The following CTIF variants were observed in gnomAD, a reference collection of about 807,000 sequenced individuals.
CTIF encodes the protein cap binding complex dependent translation initiation factor, also known as CBP80/20-dependent translation initiation factor.
In CTIF, 21 loss-of-function variants were observed where a neutral mutation model predicts 66.0. The ratio of observed to expected loss-of-function variants is 0.32; its 90% CI spans 0.23 to 0.46. The LOEUF (loss-of-function observed/expected upper bound fraction) is 0.46, where lower values mean the gene tolerates loss of function less well. Among genes scored for constraint, CTIF ranks in the 20% least tolerant of loss-of-function variants. The pLI is 1.00. For synonymous variants in CTIF, 345 were observed against 326.4 expected, an observed-to-expected ratio of 1.06 and a Z score of -0.62; for missense variants, 739 against 812.7, an observed-to-expected ratio of 0.91 and a Z score of 1.10.
intron 9 of CTIF, among the ~76,000 whole-genome samples, chr18:48,783,681 C>T (rs571075815): frequency 6.6e-6 from 1 of 152,290 alleles, no homozygotes; most frequent in East Asian, 1.9e-4. Context: ...TCCACCCCAC[C>T]CCACCTCCTC....
intron 9 of CTIF, among the ~76,000 whole-genome samples, chr18:48,789,445 A>G (rs768313515): frequency 1.1e-4 from 17 of 152,212 alleles, no homozygotes; most frequent in African/African-American, 3.4e-4. Flanking sequence ...AATGTTGGCT[A>G]TGGTTCAATT....
At chr18:48,655,417 C>G (rs571464891) in intron 3 of CTIF, among the ~76,000 whole-genome samples, 1 of 152,184 alleles carries the variant, frequency 6.6e-6, no homozygotes, top group East Asian at 1.9e-4. Context: ...TCAGCTCAAA[C>G]CAGACCCCCT....
At chr18:48,835,149 C>T (rs2068781439) in intron 10 of CTIF, among the ~76,000 whole-genome samples, 1 of 152,220 alleles carries the variant, frequency 6.6e-6, no homozygotes, top group South Asian at 2.1e-4. Context: ...GAAAACAGCC[C>T]CTGCCTCTGC....
At chr18:48,638,152 G>A (rs900992814) in intron 3 of CTIF, among the ~76,000 whole-genome samples, 1 of 152,092 alleles carries the variant, frequency 6.6e-6, no homozygotes, top group Non-Finnish European at 1.5e-5. Context: ...CAGGGGCACT[G>A]TCTCTAGCTC....
intron 3 of CTIF, among the ~76,000 whole-genome samples, chr18:48,657,329 C>T (rs1271162442): frequency 6.6e-6 from 1 of 152,222 alleles, no homozygotes; most frequent in East Asian, 1.9e-4. Context: ...GCAGTCTTAT[C>T]ATTCAGTATA....
chr18:48,725,513 C>T (rs1330786817), intron 7 of CTIF, among the ~76,000 whole-genome samples: 1 of 152,154 alleles, frequency 6.6e-6, no homozygotes, highest in African/African-American at 2.4e-5. Flanking sequence ...AGGACAGCCA[C>T]CTTCTGCCTT....
chr18:48,563,235 T>A (rs1220418922), intron 1 of CTIF, among the ~76,000 whole-genome samples: 1 of 84,748 alleles, frequency 1.2e-5, no homozygotes, highest in African/African-American at 3.4e-5. Context: ...CCTCCACCCT[T>A]GGGGATGTAA....
chr18:48,785,689 C>T (rs1911640443), intron 9 of CTIF, among the ~76,000 whole-genome samples: 1 of 152,206 alleles, frequency 6.6e-6, no homozygotes, highest in African/African-American at 2.4e-5. Flanking sequence ...TTGGCTTTGC[C>T]ATGAACTAGC....
At chr18:48,684,711 T>C (rs1332579734) in intron 6 of CTIF, among the ~76,000 whole-genome samples, 1 of 152,220 alleles carries the variant, frequency 6.6e-6, no homozygotes, top group Non-Finnish European at 1.5e-5. Context: ...AAAGAATTCC[T>C]ATATAGCCTT....
intron 7 of CTIF, among the ~76,000 whole-genome samples, chr18:48,716,687 C>T (rs923798624): frequency 7.2e-5 from 11 of 152,150 alleles, no homozygotes; most frequent in Admixed American, 3.9e-4. Context: ...CAGATGATCC[C>T]GCCCGACTGT....
At chr18:48,749,026 A>G (rs1907531055) in intron 7 of CTIF, among the ~76,000 whole-genome samples, 1 of 152,238 alleles carries the variant, frequency 6.6e-6, no homozygotes, top group South Asian at 2.1e-4. Context: ...GACAGGCTCC[A>G]TGATTGGTCG....
intron 1 of CTIF, among the ~76,000 whole-genome samples, chr18:48,568,633 TAAAAAAAAAAAAAAAAAAAAAAAA>T (rs58084631): frequency 2.7e-5 from 1 of 36,622 alleles, no homozygotes; most frequent in Non-Finnish European, 6.0e-5. Flanking sequence ...GGGCAATTTG[TAAAAAAAAAAAAAAAAAAAAAAAA>T]AAAAAAAAAA....
intron 7 of CTIF, among the ~76,000 whole-genome samples, chr18:48,717,402 A>AAAT (rs2092291941): frequency 1.3e-4 from 19 of 144,870 alleles, no homozygotes; most frequent in Non-Finnish European, 1.7e-4. Context: ...CTGTCTTTAA[A>AAAT]AAATAAATAA....
rs114403744 is a variant in CTIF, at chr18:48,827,789, C to T, written c.1527+10413C>T. On this transcript the variant is annotated intron_variant, in intron 10 of 11. Coordinates refer to ENST00000256413, the MANE Select transcript of CTIF (RefSeq NM_014772.3). ...AAGCGACCATTCCTGTAACCTCCGCCGAAATAACTTCCCACCCGCTTTGTC... is the reference window on the plus strand; with the variant it reads ...AAGCGACCATTCCTGTAACCTCCGCTGAAATAACTTCCCACCCGCTTTGTC... 6.0e-3 allele frequency among the ~76,000 whole-genome samples: 908 copies of T among 152,228 alleles called. 12 individuals carry two copies. The highest frequency in any genetic ancestry group is 0.021 in the African/African-American group (871 of 41,532).
rs76648272 is a variant in CTIF, at chr18:48,843,067, G to A, written c.1528-14521G>A. On this transcript the variant is annotated intron_variant, in intron 10 of 11. Coordinates refer to ENST00000256413, the MANE Select transcript of CTIF (RefSeq NM_014772.3). ...GGGACCTGTGATTTCAGAGACCTGTGAGCCTTTGAGGGGAGCCTCCCACCC... is the reference window on the plus strand; with the variant it reads ...GGGACCTGTGATTTCAGAGACCTGTAAGCCTTTGAGGGGAGCCTCCCACCC... Among the ~76,000 whole-genome samples the A allele has an allele frequency of 2.0e-4, 31 of 152,262 alleles. 2 individuals carry two copies. In the East Asian group the frequency reaches 5.6e-3, roughly 28 times the overall value.
chr18:48,713,207 G>A (rs2092246164), intron 7 of CTIF, among the ~76,000 whole-genome samples: 1 of 152,192 alleles, frequency 6.6e-6, no homozygotes, highest in Admixed American at 6.5e-5. Flanking sequence ...GTCAGAGAGA[G>A]CAAAGGCTTT....
chr18:48,662,688 T>C (rs9964915), intron 3 of CTIF: 17,946 of 151,814 alleles, frequency 0.12, 1,112 homozygotes, highest in South Asian at 0.22. Context: ...AGAGATTGGT[T>C]TCCTCTTCCA....
intron 1 of CTIF, among the ~76,000 whole-genome samples, chr18:48,603,978 A>G (rs916090871): frequency 6.6e-5 from 10 of 151,032 alleles, no homozygotes; most frequent in African/African-American, 2.4e-4. Flanking sequence ...CCTCTCGAGT[A>G]GCTGGGACTA....
At chr18:48,785,469 C>T (rs1018784672) in intron 9 of CTIF, among the ~76,000 whole-genome samples, 5 of 152,236 alleles carry the variant, frequency 3.3e-5, no homozygotes, top group Non-Finnish European at 7.3e-5. Context: ...TCCACCCCTG[C>T]AGTCAGGCAT....
Sources: allele counts gnomAD v4.1 joint callset (sites outside exome capture counted in the v4.1 genomes callset), GRCh38; gene constraint gnomAD v4.1.1; transcripts MANE v1.5; gene names NCBI Gene and HGNC (gene_info 2026-07-23, HGNC 2026-07-21).